KAZN: variants seen among roughly 807,000 people sequenced by gnomAD.
The protein encoded by KAZN is kazrin.
Under a neutral mutation model 87.4 loss-of-function variants are expected in KAZN, and 40 were observed. The observed-to-expected ratio is 0.46, with a 90% CI of 0.36 to 0.60. KAZN has a LOEUF of 0.60. Ranked by LOEUF, KAZN falls within the 20% of genes least tolerant of loss-of-function variation. The probability of loss-of-function intolerance (pLI) is 0.00; values close to 1 mark genes in which losing one functional copy is unlikely to be tolerated. For missense variants in KAZN, 898 were observed against 1,073.9 expected, an observed-to-expected ratio of 0.84 and a Z score of 2.29; for synonymous variants, 466 against 458.3, an observed-to-expected ratio of 1.02 and a Z score of -0.22.
At chr1:14,917,314 G>A (rs1657918702) in intron 1 of KAZN, among the ~76,000 whole-genome samples, 1 of 152,160 alleles carries the variant, frequency 6.6e-6, no homozygotes, top group Non-Finnish European at 1.5e-5. Context: ...GATGGCCGAG[G>A]GAAGAAGAGG....
chr1:14,694,239 C>A (rs554077272), intron 1 of KAZN, among the ~76,000 whole-genome samples: 3 of 152,246 alleles, frequency 2.0e-5, no homozygotes, highest in Non-Finnish European at 4.4e-5. Context: ...TCAACTCAGG[C>A]AGCTCCCAGC....
intron 1 of KAZN, among the ~76,000 whole-genome samples, chr1:14,940,361 T>G (rs753603207): frequency 1.3e-5 from 2 of 152,236 alleles, no homozygotes; most frequent in Non-Finnish European, 2.9e-5. Flanking sequence ...AAAATTGATC[T>G]CACAGTAGCA....
chr1:14,480,209 G>T (rs905039716), intron 2 of KAZN, among the ~76,000 whole-genome samples: 1 of 152,200 alleles, frequency 6.6e-6, no homozygotes, highest in Non-Finnish European at 1.5e-5. Flanking sequence ...ATGGAGCAAG[G>T]GTAGCAAACG....
chr1:14,371,665 C>A (rs1321213219), intron 2 of KAZN, among the ~76,000 whole-genome samples: 2 of 152,208 alleles, frequency 1.3e-5, no homozygotes, highest in African/African-American at 4.8e-5. Flanking sequence ...ATGCACCTGT[C>A]TGGTTCTGTT....
At chr1:14,075,127 A>T (rs910636931) in intron 1 of KAZN, among the ~76,000 whole-genome samples, 1 of 152,240 alleles carries the variant, frequency 6.6e-6, no homozygotes, top group South Asian at 2.1e-4. Context: ...AATTATTTGT[A>T]TTAAGTGGTT....
chr1:14,805,674 T>C (rs1170512111), intron 1 of KAZN, among the ~76,000 whole-genome samples: 1 of 151,700 alleles, frequency 6.6e-6, no homozygotes, highest in African/African-American at 2.4e-5. Context: ...AGGAGGAGAA[T>C]CACTTGAACC....
intron 1 of KAZN, among the ~76,000 whole-genome samples, chr1:14,836,326 C>G (rs999658023): frequency 6.6e-6 from 1 of 152,186 alleles, no homozygotes; most frequent in African/African-American, 2.4e-5. Context: ...GAACTCAAAG[C>G]CGCACCTCTG....
intron 1 of KAZN, among the ~76,000 whole-genome samples, chr1:13,907,891 T>C (rs1030764874): frequency 1.6e-4 from 25 of 152,166 alleles, no homozygotes; most frequent in African/African-American, 6.0e-4. Flanking sequence ...TAAGACTGTG[T>C]AGTTCGTAGA....
intron 2 of KAZN, among the ~76,000 whole-genome samples, chr1:14,452,354 C>T (rs564413240): frequency 6.6e-6 from 1 of 152,286 alleles, no homozygotes; most frequent in Non-Finnish European, 1.5e-5. Flanking sequence ...TACCTAGGGC[C>T]TCTGGTGAGC....
chr1:14,869,950 A>G (rs1398521499), intron 1 of KAZN, among the ~76,000 whole-genome samples: 3 of 152,216 alleles, frequency 2.0e-5, no homozygotes, highest in Admixed American at 1.3e-4. Context: ...CCACCCCGGC[A>G]TTACTTTGCC....
intron 1 of KAZN, among the ~76,000 whole-genome samples, chr1:13,931,707 G>A (rs745905488): frequency 6.6e-6 from 1 of 152,062 alleles, no homozygotes; most frequent in Non-Finnish European, 1.5e-5. Flanking sequence ...TTGGCCCCTA[G>A]TATATTAATG....
At chr1:14,597,184 T>A (rs1676562487), upstream of KAZN, among the ~76,000 whole-genome samples, 1 of 152,176 alleles carries the variant, frequency 6.6e-6, no homozygotes, top group Non-Finnish European at 1.5e-5. Context: ...AGAACTTGTG[T>A]TAATGAGGTT....
chr1:14,593,884 T>C (rs142098211), upstream of KAZN, among the ~76,000 whole-genome samples: 8 of 152,264 alleles, frequency 5.3e-5, no homozygotes, highest in African/African-American at 1.9e-4. Flanking sequence ...TGCAAGGCTG[T>C]GGGTGTAATT....
At chr1:14,511,582 C>A (rs1670910411) in intron 2 of KAZN, among the ~76,000 whole-genome samples, 1 of 152,142 alleles carries the variant, frequency 6.6e-6, no homozygotes, top group South Asian at 2.1e-4. Context: ...ATTCACCGGG[C>A]AGAATTATTT....
At chr1:14,036,532 G>T (rs1293273390) in intron 1 of KAZN, among the ~76,000 whole-genome samples, 2 of 151,994 alleles carry the variant, frequency 1.3e-5, no homozygotes, top group Non-Finnish European at 2.9e-5. Flanking sequence ...AGGCACATTG[G>T]CTTGTCCATG....
At chr1:14,637,277 T>C (rs1461202879) in intron 1 of KAZN, among the ~76,000 whole-genome samples, 2 of 152,150 alleles carry the variant, frequency 1.3e-5, no homozygotes, top group Non-Finnish European at 2.9e-5. Flanking sequence ...AATACAATAA[T>C]ATTTGTGTTC....
intron 1 of KAZN, among the ~76,000 whole-genome samples, chr1:14,822,171 CCCAG>C (rs1454929802): frequency 2.0e-5 from 3 of 152,184 alleles, no homozygotes; most frequent in Non-Finnish European, 1.5e-5. Context: ...AAGCTTTCGT[CCCAG>C]CCAGGTAACT....
intron 8 of KAZN, among the ~76,000 whole-genome samples, chr1:15,069,379 G>C (rs947652626): frequency 1.3e-5 from 2 of 152,190 alleles, no homozygotes; most frequent in Admixed American, 6.5e-5. Flanking sequence ...CTTTGGCCCA[G>C]AGAGGAATGA....
chr1:14,113,083 G>A (rs776357481), intron 1 of KAZN, among the ~76,000 whole-genome samples: 1 of 152,176 alleles, frequency 6.6e-6, no homozygotes, highest in African/African-American at 2.4e-5. Flanking sequence ...CCAAAGTCTT[G>A]TTTATTTCTA....
Sources: gnomAD v4.1 joint callset for allele counts (sites outside exome capture counted in the v4.1 genomes callset) on GRCh38, gnomAD v4.1.1 for gene constraint, MANE v1.5 for transcripts, NCBI Gene and HGNC (gene_info 2026-07-23, HGNC 2026-07-21) for gene names.